The following ZNF880 variants were observed in gnomAD, a reference collection of about 807,000 sequenced individuals.
ZNF880 encodes zinc finger protein 880, also known as zinc finger protein LOC400713.
Under a neutral mutation model 11.8 loss-of-function variants are expected in ZNF880, and 12 were observed. The ratio of observed to expected loss-of-function variants is 1.02; its 90% CI spans 0.65 to 1.65. The LOEUF (loss-of-function observed/expected upper bound fraction) is 1.65, where lower values mean the gene tolerates loss of function less well. Among genes scored for constraint, ZNF880 ranks in the 40% most tolerant of loss-of-function variants. The probability of loss-of-function intolerance (pLI) is 0.00; values close to 1 mark genes in which losing one functional copy is unlikely to be tolerated. For missense variants in ZNF880, 601 were observed against 673.9 expected (o/e 0.89, Z 1.20); for synonymous variants, 210 against 232.4 (o/e 0.90, Z 0.88).
chr19:52,394,119 GT>G, the ZNF880 span, among the ~76,000 whole-genome samples: 1 of 149,718 alleles, frequency 6.7e-6, no homozygotes. Context: ...GATTACAGGT[GT>G]AAGCCACTGC....
At chr19:52,389,811 C>G (rs2058701094), downstream of ZNF880, 1 of 152,278 alleles carries the variant, frequency 6.6e-6, no homozygotes, top group Non-Finnish European at 1.5e-5. Context: ...TGCTCCAGTT[C>G]CAATAAAGTT....
downstream of ZNF880, among the ~76,000 whole-genome samples, chr19:52,387,892 A>G (rs2122437174): frequency 8.5e-6 from 1 of 117,266 alleles, no homozygotes; most frequent in East Asian, 2.2e-4. Context: ...AATGTTCATA[A>G]ATTTTCTTTT....
chr19:52,396,254 G>C, the ZNF880 span: 1 of 152,038 alleles, frequency 6.6e-6, no homozygotes, highest in Non-Finnish European at 1.5e-5. Context: ...ACAGGCGTGA[G>C]CCACCACGCC....
downstream of ZNF880, among the ~76,000 whole-genome samples, chr19:52,388,281 A>AATTTTTTTT (rs1298446341): frequency 5.1e-5 from 2 of 38,896 alleles, no homozygotes; most frequent in Non-Finnish European, 9.3e-5. Flanking sequence ...GGCAATTTGA[A>AATTTTTTTT]CTTTTTTTTT....
downstream of ZNF880, chr19:52,389,706 T>C (rs1163032662): frequency 2.6e-5 from 4 of 152,310 alleles, no homozygotes; most frequent in Non-Finnish European, 5.9e-5. Context: ...AGGCGAGTAG[T>C]GAGTAGTCTG....
At chr19:52,375,744 T>C (rs1291392814) in intron 3 of ZNF880, among the ~76,000 whole-genome samples, 1 of 152,016 alleles carries the variant, frequency 6.6e-6, no homozygotes, top group Non-Finnish European at 1.5e-5. Context: ...ACATACAATG[T>C]TTGGTTTTCC....
intron 1 of ZNF880, among the ~76,000 whole-genome samples, chr19:52,370,957 GT>G (rs1355998720): frequency 6.6e-6 from 1 of 152,076 alleles, no homozygotes; most frequent in Non-Finnish European, 1.5e-5. Context: ...TAAAAAAGAG[GT>G]TATTGACAGA....
At chr19:52,393,845 T>TG in the ZNF880 span, among the ~76,000 whole-genome samples, 4 of 145,768 alleles carry the variant, frequency 2.7e-5, no homozygotes, top group Non-Finnish European at 6.0e-5. Flanking sequence ...CTTTTTTTTT[T>TG]TTTTTTTTTG....
At chr19:52,366,998 C>T (rs1986132653), upstream of ZNF880, 1 of 479,172 alleles carries the variant, frequency 2.1e-6, no homozygotes, top group Admixed American at 3.7e-5. Context: ...TTAATGAAAA[C>T]TACCAGTATA....
At chr19:52,392,907 G>C in the ZNF880 span, among the ~76,000 whole-genome samples, 1 of 151,652 alleles carries the variant, frequency 6.6e-6, no homozygotes, top group African/African-American at 2.4e-5. Context: ...CTGCAGCCTG[G>C]AACTCCTGGG....
At chr19:52,373,061 C>T (rs765413792) in intron 1 of ZNF880, 50 bp from the exon 2 acceptor site, 2 of 1,601,450 alleles carry the variant, frequency 1.2e-6, no homozygotes, top group Non-Finnish European at 8.5e-7. Flanking sequence ...TTACAACTGT[C>T]TCCTCATTTT....
chr19:52,386,923 TA>T (rs2122431860), downstream of ZNF880, among the ~76,000 whole-genome samples: 1 of 144,674 alleles, frequency 6.9e-6, no homozygotes, highest in African/African-American at 2.7e-5. Flanking sequence ...ACTGTTGGCA[TA>T]ATTTCCAACT....
Position 52,374,359 on chromosome 19 carries a change from A to G in ZNF880, c.200A>G (p.Asn67Ser), listed in dbSNP as rs1253864748. 3.1e-6 allele frequency: 5 copies of G among 1,612,988 alleles called. No individual in the cohort carries two copies. ...TTGGAGCAAAGGAGAGATCCCCGGA[A>G]TCTGCAGAGTGAAGTGAAAATAGCA... ...SMLEQRRDPR[N>S]LQSEVKIANN... The change falls in exon 3 of 4, where the codon AAT (asparagine) becomes AGT (serine). Residue 67 changes from asparagine to serine, a missense_variant. Coordinates refer to ENST00000422689, the MANE Select transcript of ZNF880 (RefSeq NM_001145434.2).
At chr19:52,390,723 C>T (rs963983649), downstream of ZNF880, 8 of 153,058 alleles carry the variant, frequency 5.2e-5, no homozygotes, top group African/African-American at 1.9e-4. Context: ...CACCTGAGGT[C>T]AGGAGTTTTG....
intron 2 of ZNF880, 138 bp downstream of exon 2, chr19:52,373,375 C>A: frequency 1.2e-6 from 1 of 826,282 alleles, no homozygotes. Context: ...ATGAAAACCT[C>A]CATAATGCTT....
chr19:52,394,609 T>C, the ZNF880 span, among the ~76,000 whole-genome samples: 6 of 152,204 alleles, frequency 3.9e-5, no homozygotes, highest in Non-Finnish European at 5.9e-5. Context: ...CTAGAGATTT[T>C]TGTAGATTTT....
chr19:52,393,142 G>A, the ZNF880 span, among the ~76,000 whole-genome samples: 21 of 150,362 alleles, frequency 1.4e-4, no homozygotes, highest in Admixed American at 7.3e-4. Context: ...GCGCAATCTC[G>A]GCTCACTGCA....
chr19:52,372,051 C>T (rs143551394), intron 1 of ZNF880, among the ~76,000 whole-genome samples: 3,971 of 151,446 alleles, frequency 0.026, 173 homozygotes, highest in African/African-American at 0.091. Flanking sequence ...TAGCTGGGCA[C>T]AGTGGTGGGT....
the ZNF880 span, among the ~76,000 whole-genome samples, chr19:52,394,466 C>T: frequency 6.6e-6 from 1 of 150,452 alleles, no homozygotes; most frequent in Non-Finnish European, 1.5e-5. Flanking sequence ...AACTCCTGAG[C>T]TTGAGTGATC....
Sources: gnomAD v4.1 joint callset for allele counts (sites outside exome capture counted in the v4.1 genomes callset) on GRCh38, gnomAD v4.1.1 for gene constraint, MANE v1.5 for transcripts, NCBI Gene and HGNC (gene_info 2026-07-23, HGNC 2026-07-21) for gene names.